Variants in LARGE1 observed in about 807,000 individuals in gnomAD.
The protein encoded by LARGE1 is xylosyl- and glucuronyltransferase LARGE1.
A neutral mutation model predicts 87.6 loss-of-function variants in LARGE1; 43 were observed. The observed-to-expected ratio is 0.49, with a 90% confidence interval of 0.38 to 0.63. The LOEUF is 0.63. LARGE1 is among the 30% of genes least tolerant of loss of function. LARGE1 has a pLI of 0.00. For synonymous variants in LARGE1, 434 were observed against 394.6 expected, an observed-to-expected ratio of 1.10 and a Z score of -1.18; for missense variants, 802 against 1,000.2, an observed-to-expected ratio of 0.80 and a Z score of 2.67.
intron 1 of LARGE1, among the ~76,000 whole-genome samples, chr22:33,868,500 C>A (rs1426927854): frequency 6.6e-6 from 1 of 152,092 alleles, no homozygotes; most frequent in African/African-American, 2.4e-5. Flanking sequence ...ATGCTCCCCA[C>A]GTGGCCTAAA....
chr22:33,155,579 T>C, the LARGE1 span, among the ~76,000 whole-genome samples: 11,494 of 152,216 alleles, frequency 0.076, 472 homozygotes, highest in Non-Finnish European at 0.089. Flanking sequence ...GGTGACTTGG[T>C]TGCTGTTAAA....
upstream of LARGE1, chr22:33,922,802 G>A (rs1398603959): frequency 6.6e-6 from 1 of 152,220 alleles, no homozygotes; most frequent in Non-Finnish European, 1.5e-5. Flanking sequence ...TTCTTCCTCT[G>A]ACGTGCAGCT....
chr22:33,408,892 T>C (rs1838958149), intron 7 of LARGE1, among the ~76,000 whole-genome samples: 1 of 152,184 alleles, frequency 6.6e-6, no homozygotes. Context: ...CCACTCCAAC[T>C]TAATCCTAGG....
At chr22:33,116,503 C>T in the LARGE1 span, among the ~76,000 whole-genome samples, 38 of 151,956 alleles carry the variant, frequency 2.5e-4, no homozygotes, top group Non-Finnish European at 4.9e-4. Context: ...TACAGGCGCC[C>T]GCCACCACGC....
intron 1 of LARGE1, among the ~76,000 whole-genome samples, chr22:33,794,734 C>A (rs2085929091): frequency 6.6e-6 from 1 of 152,244 alleles, no homozygotes; most frequent in Admixed American, 6.5e-5. Flanking sequence ...ATTCTCCTGA[C>A]TCAGCCTCCC....
chr22:33,878,129 CTTTTT>C lies in LARGE1; in HGVS notation c.-83+41861_-83+41865del, dbSNP rs1186663464. On this transcript the variant is annotated intron_variant, in intron 1 of 14. Coordinates refer to ENST00000397394, the MANE Select transcript of LARGE1 (RefSeq NM_133642.5). ...TATGTATGTTGTTTATATTGTATTT[CTTTTT>C]TTTTTTTTTTTTTTTTTTTTAGAGA... Among the ~76,000 whole-genome samples the C allele has an allele frequency of 2.8e-3, 126 of 44,650 alleles. 8 individuals carry two copies. Among genetic ancestry groups the C allele is most frequent in the East Asian group, 4.1e-3 (4 of 968 alleles). 29.3% of individuals were successfully genotyped at this position (44,650 alleles called of 152,430 possible).
At position 33,420,413 on chromosome 22, in the gene LARGE1, C is replaced by T. The variant is rs374560118; in HGVS notation, c.892+11748G>A. On this transcript the variant is annotated intron_variant, in intron 7 of 14. Transcript: ENST00000397394. ...CACAGGGAAATTAAAAGAAAATGAA[C>T]CAAACTGTAGTTGGTCAGATGGTAC... is the stretch of plus-strand genomic sequence containing the variant. Among the ~76,000 whole-genome samples the T allele has an allele frequency of 1.9e-4, 29 of 152,126 alleles. No homozygotes were observed. The East Asian group carries it at 3.1e-3, about 16-fold the overall frequency.
intron 6 of LARGE1, among the ~76,000 whole-genome samples, chr22:33,493,848 T>C (rs1264720171): frequency 6.6e-6 from 1 of 152,168 alleles, no homozygotes; most frequent in African/African-American, 2.4e-5. Flanking sequence ...TAAATATCAG[T>C]GTGCCCAGAC....
chr22:33,763,874 A>G (rs2084815284), intron 1 of LARGE1, among the ~76,000 whole-genome samples: 1 of 119,832 alleles, frequency 8.3e-6, no homozygotes, highest in African/African-American at 3.4e-5. Flanking sequence ...TTTTTGAGAC[A>G]GAGACTCACT....
chr22:33,399,473 T>C (rs573044807), intron 7 of LARGE1, among the ~76,000 whole-genome samples: 80 of 152,242 alleles, frequency 5.3e-4, no homozygotes, highest in Non-Finnish European at 9.8e-4. Flanking sequence ...TATAGTAGAA[T>C]GATTTGTAAT....
At chr22:33,101,504 G>A in the LARGE1 span, among the ~76,000 whole-genome samples, 2 of 152,120 alleles carry the variant, frequency 1.3e-5, no homozygotes, top group Admixed American at 6.5e-5. Flanking sequence ...TCTGTGCTAG[G>A]AACTAGGAAA....
At chr22:33,562,669 A>G (rs1024661102) in intron 6 of LARGE1, among the ~76,000 whole-genome samples, 1 of 152,126 alleles carries the variant, frequency 6.6e-6, no homozygotes, top group Non-Finnish European at 1.5e-5. Context: ...CTTCCCTTCC[A>G]CGGATGATAT....
chr22:33,443,063 A>G (rs2067541369), intron 6 of LARGE1, among the ~76,000 whole-genome samples: 1 of 152,134 alleles, frequency 6.6e-6, no homozygotes, highest in Non-Finnish European at 1.5e-5. Context: ...AAGTGTTGGG[A>G]TTACAGACGT....
intron 11 of LARGE1, among the ~76,000 whole-genome samples, chr22:33,305,820 C>CCAGAAACAT (rs1569035444): frequency 6.6e-6 from 1 of 151,292 alleles, no homozygotes; most frequent in Non-Finnish European, 1.5e-5. Context: ...ACCAAATTGA[C>CCAGAAACAT]CAGAAACATT....
At chr22:33,372,873 C>G (rs1398841507) in intron 9 of LARGE1, among the ~76,000 whole-genome samples, 1 of 152,012 alleles carries the variant, frequency 6.6e-6, no homozygotes, top group Non-Finnish European at 1.5e-5. Context: ...GAAATAGAAA[C>G]AAGACAGACA....
At chr22:33,817,663 A>C (rs2086695468) in intron 1 of LARGE1, among the ~76,000 whole-genome samples, 1 of 152,130 alleles carries the variant, frequency 6.6e-6, no homozygotes, top group African/African-American at 2.4e-5. Flanking sequence ...TGCCTGGTGA[A>C]GTTGGGGGCA....
intron 6 of LARGE1, among the ~76,000 whole-genome samples, chr22:33,502,421 A>G (rs79229649): frequency 0.05 from 7,672 of 152,210 alleles, 616 homozygotes; most frequent in African/African-American, 0.18. Context: ...AAGGGACATG[A>G]GGGTGTCTGC....
chr22:33,573,295 C>T (rs1370983450), intron 5 of LARGE1, among the ~76,000 whole-genome samples: 2 of 151,926 alleles, frequency 1.3e-5, no homozygotes, highest in African/African-American at 4.8e-5. Context: ...AAAAATTAGC[C>T]GGGCGTGGTG....
intron 12 of LARGE1, among the ~76,000 whole-genome samples, chr22:33,299,343 G>A (rs1177027715): frequency 6.6e-6 from 1 of 152,018 alleles, no homozygotes; most frequent in Non-Finnish European, 1.5e-5. Context: ...AGGGAAAGGG[G>A]AGGGAGAGTC....
Sources: allele counts gnomAD v4.1 joint callset (sites outside exome capture counted in the v4.1 genomes callset), GRCh38; gene constraint gnomAD v4.1.1; transcripts MANE v1.5; gene names NCBI Gene and HGNC (gene_info 2026-07-23, HGNC 2026-07-21).